The following EDNRB variants were observed in gnomAD, a reference collection of about 807,000 sequenced individuals.
EDNRB encodes Hirschsprung disease 2.
Under a neutral mutation model 46.4 loss-of-function variants are expected in EDNRB, and 18 were observed. The ratio of observed to expected loss-of-function variants is 0.39; its 90% confidence interval spans 0.27 to 0.57. The LOEUF (loss-of-function observed/expected upper bound fraction) is 0.57. Ranked by LOEUF, EDNRB falls within the 20% of genes least tolerant of loss-of-function variation. EDNRB has a pLI of 0.61. For missense variants in EDNRB, 434 were observed against 537.5 expected, an observed-to-expected ratio of 0.81 and a Z score of 1.90; for synonymous variants, 213 against 204.9, an observed-to-expected ratio of 1.04 and a Z score of -0.34.
Position 77,924,788 on chromosome 13 carries a change from T to C in EDNRB, c.-51-6164A>G, listed in dbSNP as rs572492316. ...TTGAATTATGGGGGCAGGTCTTTCCTGTGCTGTTCTCGTGATAGTGAATGG... is the reference window on the plus strand; with the variant it reads ...TTGAATTATGGGGGCAGGTCTTTCCCGTGCTGTTCTCGTGATAGTGAATGG... On this transcript the variant is annotated intron_variant, in intron 1 of 7. Coordinates refer to the EDNRB transcript ENST00000646948. Among the ~76,000 whole-genome samples, 9 of 152,286 alleles carry C rather than the reference T, an allele frequency of 5.9e-5. No homozygotes were observed. In the East Asian group the frequency reaches 1.7e-3, roughly 29 times the overall value.
Position 77,896,392 on chromosome 13 carries a change from A to C in EDNRB, c.*1808T>G, listed in dbSNP as rs74878537. 1 of 1,512,362 alleles carries C rather than the reference A, an allele frequency of 6.6e-7. No individual in the cohort carries two copies. Among genetic ancestry groups the C allele is most frequent in the South Asian group, 1.3e-5 (1 of 74,826 alleles). The allele number at this position is 1,512,362 out of a possible 1,614,324, so 93.7% of individuals were successfully genotyped here. A position where few individuals can be genotyped will look rare whatever the true frequency, so the allele number is the denominator to read the frequency against. ...TGAAAAAGTGATTGGGATGAAATTA[A>C]AGAACAAGTTTGTGGGTGATTTATA... On this transcript the variant is annotated 3_prime_UTR_variant, in exon 7 of 7. Coordinates refer to ENST00000646607, the MANE Select transcript of EDNRB (RefSeq NM_001122659.3).
chr13:77,945,661 T>C (rs1262055626), intron 1 of EDNRB, among the ~76,000 whole-genome samples: 1 of 152,020 alleles, frequency 6.6e-6, no homozygotes, highest in African/African-American at 2.4e-5. Context: ...GGAATTGTAC[T>C]TACGGAAGGC....
At chr13:77,927,041 C>T (rs1880258632) in intron 1 of EDNRB, among the ~76,000 whole-genome samples, 1 of 152,176 alleles carries the variant, frequency 6.6e-6, no homozygotes, top group Non-Finnish European at 1.5e-5. Flanking sequence ...CCAGGTATCT[C>T]CAACAACATG....
chr13:77,954,625 C>T (rs117196743), intron 1 of EDNRB, among the ~76,000 whole-genome samples: 2,177 of 151,954 alleles, frequency 0.014, 46 homozygotes, highest in East Asian at 0.024. Flanking sequence ...GATTCTCCTG[C>T]CTCAACCTGT....
rs957647628 is a variant in EDNRB at position 77,896,616 on chromosome 13, C to T, written c.*1584G>A. 5.9e-6 allele frequency: 9 copies of T among 1,533,666 alleles called. No individual in the cohort carries two copies. Among genetic ancestry groups the T allele is most frequent in the Non-Finnish European group, 7.9e-6 (9 of 1,140,480 alleles). ...CATATTTTAAGACCGAGTTAAAGCT[C>T]TTGGGCCCAATTTATTTCGAAAGTC... is the stretch of plus-strand genomic sequence containing the variant. On this transcript the variant is annotated 3_prime_UTR_variant, in exon 7 of 7. Coordinates refer to ENST00000646607, the MANE Select transcript of EDNRB (RefSeq NM_001122659.3).
At chr13:77,967,515 A>G (rs1441711424) in intron 1 of EDNRB, among the ~76,000 whole-genome samples, 1 of 152,180 alleles carries the variant, frequency 6.6e-6, no homozygotes. Flanking sequence ...GTCAATTACC[A>G]CTAGACTTCT....
chr13:77,924,598 G>A (rs1225656035), upstream of EDNRB, among the ~76,000 whole-genome samples: 2 of 152,108 alleles, frequency 1.3e-5, no homozygotes, highest in Non-Finnish European at 1.5e-5. Flanking sequence ...CACTTCAATT[G>A]TGTTAAATAC....
intron 1 of EDNRB, among the ~76,000 whole-genome samples, chr13:77,925,608 G>T (rs1324852504): frequency 6.6e-6 from 1 of 152,236 alleles, no homozygotes; most frequent in African/African-American, 2.4e-5. Flanking sequence ...TCTCTGCCTA[G>T]ATTTCAGAAG....
intron 1 of EDNRB, among the ~76,000 whole-genome samples, chr13:77,962,873 C>T (rs1881468290): frequency 6.6e-6 from 1 of 152,176 alleles, no homozygotes. Flanking sequence ...TTAGAAAACC[C>T]CATTGTCTCA....
At chr13:77,915,553 T>C (rs1346007591) in intron 1 of EDNRB, among the ~76,000 whole-genome samples, 1 of 152,196 alleles carries the variant, frequency 6.6e-6, no homozygotes, top group Non-Finnish European at 1.5e-5. Context: ...ATTAGGCAAG[T>C]TACTTCTTCA....
At chr13:77,938,658 C>T (rs759563169) in intron 1 of EDNRB, among the ~76,000 whole-genome samples, 11 of 152,146 alleles carry the variant, frequency 7.2e-5, no homozygotes, top group African/African-American at 1.7e-4. Flanking sequence ...CCATGACCAG[C>T]GCTGGAGTTT....
chr13:77,956,740 A>G (rs1301760303), intron 1 of EDNRB, among the ~76,000 whole-genome samples: 1 of 152,218 alleles, frequency 6.6e-6, no homozygotes, highest in East Asian at 1.9e-4. Context: ...GCTTGCCTTT[A>G]GCAGCTTCTA....
At chr13:77,970,412 T>A (rs1881695579) in intron 1 of EDNRB, among the ~76,000 whole-genome samples, 1 of 152,082 alleles carries the variant, frequency 6.6e-6, no homozygotes, top group African/African-American at 2.4e-5. Flanking sequence ...AAGACTCCTG[T>A]CTCAAGAGCC....
At position 77,897,278 on chromosome 13, in the gene EDNRB, CCAAA is replaced by C. The variant is rs760796267; in HGVS notation, c.*918_*921del. Reference sequence around the variant, plus strand: ...AGGTAAGTATTTACAGATGACAAAACCAAACAGAGTTTAAGCTACGATAGTGAAA... The same window carrying C: ...AGGTAAGTATTTACAGATGACAAAACCAGAGTTTAAGCTACGATAGTGAAA... On this transcript the variant is annotated 3_prime_UTR_variant, in exon 7 of 7. Coordinates refer to ENST00000646607, the MANE Select transcript of EDNRB (RefSeq NM_001122659.3). The C allele has an allele frequency of 4.6e-4, 451 of 985,014 alleles. 1 individual carries two copies. The highest frequency in any genetic ancestry group is 5.3e-4 in the Non-Finnish European group (440 of 829,840). The allele number at this position is 985,014 out of a possible 1,614,324, so 61.0% of individuals were successfully genotyped here.
At chr13:77,922,444 G>A (rs2137645788), upstream of EDNRB, among the ~76,000 whole-genome samples, 1 of 152,264 alleles carries the variant, frequency 6.6e-6, no homozygotes, top group South Asian at 2.1e-4. Context: ...GTACTTTCAT[G>A]TAATCCTCTT....
rs1279092107 is a variant in EDNRB at position 77,900,608 on chromosome 13, G to A, written c.998C>T (p.Ala333Val). ...GAGGTGAAGGGGAAGCCAGCAGAGG[G>A]CAAAGACAAGGACCAGGCAAAAGAC... is the stretch of plus-strand genomic sequence containing the variant. ...KTVFCLVLVF[A>V]LCWLPLHLSR... is the part of the protein sequence containing the mutation. Residue 333 changes from alanine (A) to valine (V), a missense_variant, in exon 5 of 7, where the codon GCC becomes GTC. Ala to Val is a moderately conservative substitution (Grantham distance 64). Coordinates refer to ENST00000646607, the MANE Select transcript of EDNRB (RefSeq NM_001122659.3). 1.2e-6 allele frequency: 2 copies of A among 1,612,572 alleles called. No individual in the cohort carries two copies. Among genetic ancestry groups the A allele is most frequent in the Admixed American group, 1.7e-5 (1 of 59,822 alleles).
Position 77,918,322 on chromosome 13 carries a change from G to T in EDNRB, c.252C>A (p.Thr84=), listed in dbSNP as rs764621100. 7.4e-6 allele frequency: 12 copies of T among 1,614,108 alleles called. No individual in the cohort carries two copies. Among genetic ancestry groups the T allele is most frequent in the Non-Finnish European group, 1.0e-5 (12 of 1,180,002 alleles). ...GDRTAGSPPR[T]ISPPPCQGPI... is the part of the protein sequence containing the mutation. The stretch of plus-strand genomic sequence containing the variant: ...GTCCTTGGCACGGGGGAGGGGAGAT[G>T]GTGCGTGGCGGAGATCCTGCCGTCC... Residue 84 remains threonine, a synonymous_variant, in exon 1 of 7, where the codon ACC becomes ACA. Coordinates refer to ENST00000646607, the MANE Select transcript of EDNRB (RefSeq NM_001122659.3). The surrounding 1 kb of genome is among the most constrained non-coding windows in gnomAD (Gnocchi z 4.5).
upstream of EDNRB, among the ~76,000 whole-genome samples, chr13:77,923,132 C>T (rs118182598): frequency 2.9e-3 from 437 of 152,232 alleles, 5 homozygotes; most frequent in East Asian, 0.049. Context: ...TTCATTAATT[C>T]TTTTCTGCCT....
intron 1 of EDNRB, among the ~76,000 whole-genome samples, chr13:77,915,301 C>G (rs143184089): frequency 6.6e-6 from 1 of 152,068 alleles, no homozygotes; most frequent in Non-Finnish European, 1.5e-5. Context: ...TTCAAGAGAC[C>G]GAAATCCTGA....
Sources: allele counts gnomAD v4.1 joint callset (sites outside exome capture counted in the v4.1 genomes callset), GRCh38; gene constraint gnomAD v4.1.1; non-coding constraint Gnocchi (gnomAD v3.1); transcripts MANE v1.5; gene names NCBI Gene and HGNC (gene_info 2026-07-23, HGNC 2026-07-21).